The following HDGFL3 variants were observed in gnomAD, a reference collection of about 807,000 sequenced individuals.
The protein encoded by HDGFL3 is hepatoma-derived growth factor-related protein 3.
A neutral mutation model predicts 27.6 loss-of-function variants in HDGFL3; 6 were observed. The observed-to-expected ratio is 0.22, with a 90% CI of 0.12 to 0.43. HDGFL3 has a LOEUF of 0.43. HDGFL3 is among the 20% of genes least tolerant of loss of function. The probability of loss-of-function intolerance (pLI) is 1.00; values close to 1 mark genes in which losing one functional copy is unlikely to be tolerated. For synonymous variants in HDGFL3, 88 were observed against 88.9 expected, an observed-to-expected ratio of 0.99 and a Z score of 0.05; for missense variants, 207 against 250.1, an observed-to-expected ratio of 0.83 and a Z score of 1.16.
At chr15:83,126,562 C>G (rs931048758), downstream of HDGFL3, among the ~76,000 whole-genome samples, 12 of 152,084 alleles carry the variant, frequency 7.9e-5, no homozygotes, top group African/African-American at 2.9e-4. Flanking sequence ...TTTCCTGCAC[C>G]ATAATTAACC....
At chr15:83,196,083 G>T (rs1258237909) in intron 1 of HDGFL3, among the ~76,000 whole-genome samples, 1 of 151,826 alleles carries the variant, frequency 6.6e-6, no homozygotes, top group African/African-American at 2.4e-5. Context: ...CAGATATGTA[G>T]AAATATAATA....
chr15:83,115,984 C>A (rs938971160), intron 3 of HDGFL3: 1 of 1,445,894 alleles, frequency 6.9e-7, no homozygotes, highest in Non-Finnish European at 9.7e-7. Context: ...AACCAAAAGG[C>A]CACAACCCAG....
In HDGFL3 at chr15:83,146,244, T is replaced by C. The variant is rs2036890346; in HGVS notation, c.606+4971A>G. Among the ~76,000 whole-genome samples the C allele has an allele frequency of 2.0e-5, 3 of 152,242 alleles. No individual in the cohort carries two copies. In the South Asian group the frequency reaches 6.2e-4, roughly 32 times the overall value. ...AACTGTAAATACTGTCTTAAGCCAC[T>C]GTTTTGAAAGCAAAATTATGTAGGC... On this transcript the variant is annotated intron_variant, in intron 5 of 5. Transcript: ENST00000299633.
chr15:83,131,335 A>ACAC lies in HDGFL3; in HGVS notation c.*7934_*7935insGTG, dbSNP rs2036231926. The ACAC allele has an allele frequency of 1.3e-5, 2 of 152,180 alleles. No individual in the cohort carries two copies. Among genetic ancestry groups the ACAC allele is most frequent in the Admixed American group, 1.3e-4 (2 of 15,280 alleles). The allele number at this position is 152,180 out of a possible 1,614,324, so 9.4% of individuals were successfully genotyped here. ...CTAGATCAGTATAGGCCAATGGAAGAAATATTGAGTAGTGGCCAGGCGCAG... is the reference window on the plus strand; with the variant it reads ...CTAGATCAGTATAGGCCAATGGAAGACACAATATTGAGTAGTGGCCAGGCGCAG... On this transcript the variant is annotated 3_prime_UTR_variant, in exon 6 of 6. Transcript: ENST00000299633.
intron 3 of HDGFL3, among the ~76,000 whole-genome samples, chr15:83,120,505 T>C (rs950765911): frequency 6.6e-6 from 1 of 152,092 alleles, no homozygotes; most frequent in African/African-American, 2.4e-5. Flanking sequence ...CATGCATTCT[T>C]GCCCCATACA....
At chr15:83,120,694 G>A (rs2035148127) in intron 3 of HDGFL3, among the ~76,000 whole-genome samples, 2 of 150,930 alleles carry the variant, frequency 1.3e-5, no homozygotes, top group Non-Finnish European at 3.0e-5. Flanking sequence ...CCTCAGCTGG[G>A]ACTACAGGCG....
At position 83,184,581 on chromosome 15, in the gene HDGFL3, T is replaced by A. The variant is rs569123163; in HGVS notation, c.85-20506A>T. 3.7e-4 allele frequency: 57 copies of A among 152,276 alleles called. 1 individual carries two copies. The highest frequency in any genetic ancestry group is 6.8e-3 in the Middle Eastern group (2 of 294). The allele number at this position is 152,276 out of a possible 1,614,324, so 9.4% of individuals were successfully genotyped here. On this transcript the variant is annotated intron_variant, in intron 1 of 5. Transcript: ENST00000299633. ...CTATTCTAATCTGAAATAAGGTACT[T>A]AGTGCTTTCCTCTCTTCCTTTCCCT...
chr15:83,136,200 T>C lies in HDGFL3; in HGVS notation c.*3070A>G, dbSNP rs903999148. ...GCCACTAATGTTCGGTAAGGGGCAC[T>C]TGATGGTTAAAAAACACAACTGGCA... On this transcript the variant is annotated 3_prime_UTR_variant, in exon 6 of 6. Coordinates refer to ENST00000299633, the MANE Select transcript of HDGFL3 (RefSeq NM_016073.4). 7.3e-6 allele frequency: 2 copies of C among 272,920 alleles called. No homozygotes were observed. Among genetic ancestry groups the C allele is most frequent in the Admixed American group, 5.1e-5 (1 of 19,762 alleles). The allele number at this position is 272,920 out of a possible 1,614,324, so 16.9% of individuals were successfully genotyped here.
At position 83,160,211 on chromosome 15, in the gene HDGFL3, G is replaced by T. The variant is rs147089552; in HGVS notation, c.162-2170C>A. ...CTAAGGTTTTTTTTTTTTTTGAGAC[G>T]GAGTCTCACTTTGTCGCCAGGCTGG... On this transcript the variant is annotated intron_variant, in intron 2 of 5. Coordinates refer to ENST00000299633, the MANE Select transcript of HDGFL3 (RefSeq NM_016073.4). 3.0e-3 allele frequency among the ~76,000 whole-genome samples: 459 copies of T among 150,852 alleles called. 3 individuals carry two copies. The highest frequency in any genetic ancestry group is 0.011 in the African/African-American group (444 of 41,112).
chr15:83,130,850 G>A lies in HDGFL3; in HGVS notation c.*8420C>T, dbSNP rs1165234108. On this transcript the variant is annotated 3_prime_UTR_variant, in exon 6 of 6. Transcript: ENST00000299633. ...TCACACCTGTAATCCCAGCACTTTGGGAGCCCGAGGTGGGTGGACTGCTTG... is the reference window on the plus strand; with the variant it reads ...TCACACCTGTAATCCCAGCACTTTGAGAGCCCGAGGTGGGTGGACTGCTTG... 1.3e-5 allele frequency: 2 copies of A among 152,218 alleles called. No homozygotes were observed. Among genetic ancestry groups the A allele is most frequent in the Non-Finnish European group, 2.9e-5 (2 of 68,102 alleles). 9.4% of individuals were successfully genotyped at this position (152,218 alleles called of 1,614,324 possible). A position where few individuals can be genotyped will look rare whatever the true frequency, so the allele number is the denominator to read the frequency against.
chr15:83,202,493 T>C (rs2037659956), intron 1 of HDGFL3, among the ~76,000 whole-genome samples: 1 of 152,028 alleles, frequency 6.6e-6, no homozygotes, highest in Non-Finnish European at 1.5e-5. Context: ...AAAATGAAGT[T>C]TCTATAATAA....
chr15:83,138,651 T>A lies in HDGFL3; in HGVS notation c.*619A>T, dbSNP rs1026108480. ...CAAAAAGACTCACTAACTTCACATA[T>A]AGAAACTTAGTTTGTGTACATAACA... On this transcript the variant is annotated 3_prime_UTR_variant, in exon 6 of 6. Coordinates refer to ENST00000299633, the MANE Select transcript of HDGFL3 (RefSeq NM_016073.4). The A allele has an allele frequency of 6.6e-6, 1 of 152,578 alleles. No individual in the cohort carries two copies. The highest frequency in any genetic ancestry group is 2.4e-5 in the African/African-American group (1 of 41,436). 9.5% of individuals were successfully genotyped at this position (152,578 alleles called of 1,614,324 possible).
Position 83,136,287 on chromosome 15 carries a change from A to T in HDGFL3, c.*2983T>A, listed in dbSNP as rs529074752. 2 of 443,230 alleles carry T rather than the reference A, an allele frequency of 4.5e-6. No homozygotes were observed. The highest frequency in any genetic ancestry group is 1.4e-4 in the South Asian group (2 of 14,572). The allele number at this position is 443,230 out of a possible 1,614,324, so 27.5% of individuals were successfully genotyped here. On this transcript the variant is annotated 3_prime_UTR_variant, in exon 6 of 6. Transcript: ENST00000299633. ...AACAGTCATATCAAGAATGGCCCTA[A>T]ATTTAATCAAGGACTAAATTTAATG...
chr15:83,186,608 T>C (rs933623679), intron 1 of HDGFL3, among the ~76,000 whole-genome samples: 1 of 152,238 alleles, frequency 6.6e-6, no homozygotes, highest in African/African-American at 2.4e-5. Context: ...AAGGCCATTA[T>C]TTTAAGTGAA....
At chr15:83,203,830 A>G (rs951842197) in intron 1 of HDGFL3, among the ~76,000 whole-genome samples, 14 of 151,640 alleles carry the variant, frequency 9.2e-5, no homozygotes, top group Admixed American at 9.2e-4. Context: ...TAGTAGTAAC[A>G]GAAAGCACAT....
intron 1 of HDGFL3, among the ~76,000 whole-genome samples, chr15:83,168,904 C>A (rs1248225079): frequency 6.6e-6 from 1 of 152,138 alleles, no homozygotes; most frequent in Non-Finnish European, 1.5e-5. Flanking sequence ...AATTCAACAG[C>A]ACATCAAAAA....
At chr15:83,204,396 AG>A (rs1282877429) in intron 1 of HDGFL3, among the ~76,000 whole-genome samples, 1 of 152,140 alleles carries the variant, frequency 6.6e-6, no homozygotes, top group African/African-American at 2.4e-5. Flanking sequence ...GCATGTGTCT[AG>A]GAGTAAATTA....
intron 1 of HDGFL3, among the ~76,000 whole-genome samples, chr15:83,166,145 A>T (rs1046412280): frequency 6.6e-6 from 1 of 152,202 alleles, no homozygotes; most frequent in Non-Finnish European, 1.5e-5. Context: ...ACCAAGGCAT[A>T]TAGTCACTAG....
chr15:83,119,538 G>A (rs1352709331), intron 3 of HDGFL3: 2 of 1,604,512 alleles, frequency 1.2e-6, no homozygotes, highest in East Asian at 2.2e-5. Flanking sequence ...GCATTTACAG[G>A]TCTTATTTAA....
Sources: gnomAD v4.1 joint callset for allele counts (sites outside exome capture counted in the v4.1 genomes callset) on GRCh38, gnomAD v4.1.1 for gene constraint, MANE v1.5 for transcripts, NCBI Gene and HGNC (gene_info 2026-07-23, HGNC 2026-07-21) for gene names.